Variants in TLE4 observed in about 807,000 individuals in gnomAD.
The protein encoded by TLE4 is transducin-like enhancer protein 4.
In TLE4, 8 loss-of-function variants were observed where a neutral mutation model predicts 92.8. The ratio of observed to expected loss-of-function variants is 0.09; its 90% CI spans 0.05 to 0.16. The LOEUF (loss-of-function observed/expected upper bound fraction) is 0.16, where lower values mean the gene tolerates loss of function less well. Among genes scored for constraint, TLE4 ranks in the 10% least tolerant of loss-of-function variants. TLE4 has a pLI of 1.00. For missense variants in TLE4, 675 were observed against 997.6 expected (o/e 0.68, Z 4.36); for synonymous variants, 371 against 374.1 (o/e 0.99, Z 0.10).
chr9:79,591,862 G>A (rs563616850), intron 4 of TLE4, among the ~76,000 whole-genome samples: 53 of 152,270 alleles, frequency 3.5e-4, no homozygotes, highest in African/African-American at 1.2e-3. Flanking sequence ...GTGGTACCTA[G>A]GAAGGAGGGA....
chr9:79,681,832 A>ATG (rs35005870), intron 8 of TLE4, among the ~76,000 whole-genome samples: 64,828 of 141,290 alleles, frequency 0.46, 15,706 homozygotes, highest in East Asian at 0.6. Flanking sequence ...GAGTGTGTGC[A>ATG]TGTGTGTGTG....
At chr9:79,723,897 AAAAG>A (rs1279468403) in intron 19 of TLE4, among the ~76,000 whole-genome samples, 2 of 152,246 alleles carry the variant, frequency 1.3e-5, no homozygotes, top group Non-Finnish European at 2.9e-5. Context: ...GCACTTTAAA[AAAAG>A]AGTAGTACAT....
At chr9:79,574,789 T>G in intron 2 of TLE4, 84 bp from the exon 3 acceptor site, 1 of 1,130,032 alleles carries the variant, frequency 8.8e-7, no homozygotes, top group Non-Finnish European at 1.3e-6. Context: ...TAGTTGTTTG[T>G]AGGTGAGATT....
chr9:79,597,284 A>C (rs1350800767), intron 4 of TLE4, among the ~76,000 whole-genome samples: 3 of 151,964 alleles, frequency 2.0e-5, no homozygotes, highest in Non-Finnish European at 2.9e-5. Flanking sequence ...CTGTTCTCTT[A>C]TCTGGGCTTG....
At chr9:79,573,987 A>G in intron 2 of TLE4, 1 of 380,138 alleles carries the variant, frequency 2.6e-6, no homozygotes, top group East Asian at 3.8e-5. Context: ...TCTACCGTAA[A>G]TAAAAAGAAG....
chr9:79,615,866 G>T (rs944080687), intron 5 of TLE4, among the ~76,000 whole-genome samples: 1 of 152,164 alleles, frequency 6.6e-6, no homozygotes, highest in African/African-American at 2.4e-5. Flanking sequence ...ACGTACAACT[G>T]CTTCCAGCGT....
At chr9:79,604,595 G>T (rs182922404) in intron 4 of TLE4, among the ~76,000 whole-genome samples, 12 of 152,218 alleles carry the variant, frequency 7.9e-5, no homozygotes, top group Non-Finnish European at 1.2e-4. Flanking sequence ...AGAAATGCAG[G>T]ATAGATGGAG....
At chr9:79,598,049 G>C (rs1209837206) in intron 4 of TLE4, among the ~76,000 whole-genome samples, 1 of 145,978 alleles carries the variant, frequency 6.9e-6, no homozygotes, top group African/African-American at 2.6e-5. Context: ...TGGCTAACAC[G>C]GTGAAACCCT....
intron 4 of TLE4, among the ~76,000 whole-genome samples, chr9:79,586,404 G>A (rs113512847): frequency 5.9e-5 from 9 of 151,908 alleles, no homozygotes; most frequent in African/African-American, 2.2e-4. Context: ...TTCTGAAATT[G>A]TATGAATTAT....
intron 6 of TLE4, chr9:79,649,948 C>T (rs1232113661): frequency 1.7e-6 from 2 of 1,189,742 alleles, no homozygotes; most frequent in Admixed American, 2.7e-5. Flanking sequence ...CAGGGTTTCA[C>T]TCTGTCACAC....
rs780366945 is a variant in TLE4, at chr9:79,708,734, G to C, written c.1211G>C (p.Ser404Thr). 6.2e-7 allele frequency: 1 copy of C among 1,611,674 alleles called. No homozygotes were observed. Among genetic ancestry groups the C allele is most frequent in the Non-Finnish European group, 8.5e-7 (1 of 1,180,002 alleles). The change falls in exon 13 of 20, where the codon AGC becomes ACC. Residue 404 changes from serine to threonine, a missense_variant. Transcript: ENST00000376552. ...AGLHNISPQMSAAAAAAAAAA... is the reference protein window; with the variant it reads ...AGLHNISPQMTAAAAAAAAAA... ...CTCCACAACATCTCCCCTCAGATGA[G>C]CGCAGCTGCTGCCGCCGCCGCTGCT...
At chr9:79,676,644 T>C (rs1002085797) in intron 8 of TLE4, among the ~76,000 whole-genome samples, 1 of 152,066 alleles carries the variant, frequency 6.6e-6, no homozygotes, top group Non-Finnish European at 1.5e-5. Context: ...ACCAGAAATA[T>C]GGTAGAAAGA....
Position 79,708,765 on chromosome 9 carries a change from T to TGCC in TLE4, c.1243_1245dup (p.Ala415dup). ...CTGCTGCCGCCGCCGCTGCTGCTGC[T>TGCC]GCCTATGGGAGATCACCAGTGGTGC... On this transcript the variant is annotated inframe_insertion, in exon 13 of 20. Transcript: ENST00000376552. 6.2e-7 allele frequency: 1 copy of TGCC among 1,606,928 alleles called. No individual in the cohort carries two copies. The highest frequency in any genetic ancestry group is 8.5e-7 in the Non-Finnish European group (1 of 1,179,856).
intron 6 of TLE4, among the ~76,000 whole-genome samples, chr9:79,630,694 A>G (rs2053929886): frequency 6.6e-6 from 1 of 152,224 alleles, no homozygotes; most frequent in Non-Finnish European, 1.5e-5. Flanking sequence ...CTAATTAGAA[A>G]TGATGTTTTC....
At chr9:79,679,396 T>C (rs377260090) in intron 8 of TLE4, among the ~76,000 whole-genome samples, 1 of 152,186 alleles carries the variant, frequency 6.6e-6, no homozygotes, top group African/African-American at 2.4e-5. Flanking sequence ...TTTCATGTGT[T>C]TTTTGGCTGC....
intron 6 of TLE4, among the ~76,000 whole-genome samples, chr9:79,648,729 A>G (rs1649815717): frequency 6.6e-6 from 1 of 152,234 alleles, no homozygotes; most frequent in Non-Finnish European, 1.5e-5. Flanking sequence ...TCAATATAGG[A>G]TAGCACAGAA....
Position 79,668,459 on chromosome 9 carries a change from C to T in TLE4, c.609+14384C>T, listed in dbSNP as rs536405678. 3.3e-5 allele frequency among the ~76,000 whole-genome samples: 5 copies of T among 152,200 alleles called. No homozygotes were observed. In the South Asian group the frequency reaches 8.3e-4, roughly 25 times the overall value. On this transcript the variant is annotated intron_variant, in intron 8 of 19. Transcript: ENST00000376552. ...GTGTGTGTTTAGCAGTTTACCCTTC[C>T]GATACCAAACTGGAAAATTTTGTTG...
chr9:79,589,143 G>C (rs1473707776), intron 4 of TLE4, among the ~76,000 whole-genome samples: 3 of 152,180 alleles, frequency 2.0e-5, no homozygotes, highest in East Asian at 3.8e-4. Context: ...CAGAAACTCT[G>C]CTCCAGAGAG....
intron 14 of TLE4, among the ~76,000 whole-genome samples, chr9:79,711,163 T>G (rs2073182215): frequency 6.6e-6 from 1 of 152,206 alleles, no homozygotes; most frequent in Admixed American, 6.5e-5. Context: ...TATCCTAACC[T>G]TCCTTTGTTG....
Sources: allele counts gnomAD v4.1 joint callset (sites outside exome capture counted in the v4.1 genomes callset), GRCh38; gene constraint gnomAD v4.1.1; transcripts MANE v1.5; gene names NCBI Gene and HGNC (gene_info 2026-07-23, HGNC 2026-07-21).